Variants in ZNF91 observed in about 807,000 individuals in gnomAD.
ZNF91 encodes zinc finger protein 91, also known as zinc finger protein 91 (HPF7, HTF10).
ZNF91 carries 7 observed loss-of-function variants against 12.6 expected under a neutral mutation model. That is an observed-to-expected ratio of 0.55 (90% CI 0.31 to 1.04). The LOEUF (loss-of-function observed/expected upper bound fraction) is 1.04, where lower values mean the gene tolerates loss of function less well. Among genes scored for constraint, ZNF91 ranks in the 50% least tolerant of loss-of-function variants. The probability of loss-of-function intolerance (pLI) is 0.05; values close to 1 mark genes in which losing one functional copy is unlikely to be tolerated. For synonymous variants in ZNF91, 453 were observed against 462.6 expected, an observed-to-expected ratio of 0.98 and a Z score of 0.27; for missense variants, 1,217 against 1,385.4, an observed-to-expected ratio of 0.88 and a Z score of 1.93.
intron 1 of ZNF91, chr19:23,328,117 G>T (rs990724713): frequency 6.6e-6 from 1 of 151,732 alleles, no homozygotes; most frequent in Non-Finnish European, 1.5e-5. Flanking sequence ...GCTTGTGAAG[G>T]TTCTGTCTTT....
chr19:23,323,224 C>G (rs1224875464), intron 1 of ZNF91, among the ~76,000 whole-genome samples: 2 of 146,562 alleles, frequency 1.4e-5, no homozygotes, highest in African/African-American at 5.1e-5. Flanking sequence ...CTTTTCCTTT[C>G]TCTCCTTCTT....
downstream of ZNF91, among the ~76,000 whole-genome samples, chr19:23,334,282 C>A (rs1313033591): frequency 2.0e-5 from 3 of 151,998 alleles, no homozygotes; most frequent in African/African-American, 7.3e-5. Flanking sequence ...AGATACTGGC[C>A]TTAGGAAAAT....
At chr19:23,323,245 TTCTCCTCTCCTC>T (rs963721932) in intron 1 of ZNF91, among the ~76,000 whole-genome samples, 3 of 144,960 alleles carry the variant, frequency 2.1e-5, no homozygotes, top group Admixed American at 6.8e-5. Flanking sequence ...CTCCTCTCCT[TTCTCCTCTCCTC>T]CTGTTCCTTT....
chr19:23,334,147 A>G (rs1967967125), downstream of ZNF91, among the ~76,000 whole-genome samples: 1 of 152,198 alleles, frequency 6.6e-6, no homozygotes, highest in Admixed American at 6.5e-5. Flanking sequence ...TAGGCAAAAA[A>G]GTAGTTTAAG....
chr19:23,332,962 C>T (rs990908612), intron 1 of ZNF91, among the ~76,000 whole-genome samples: 3 of 152,108 alleles, frequency 2.0e-5, no homozygotes, highest in Non-Finnish European at 4.4e-5. Flanking sequence ...GTTCTCATTG[C>T]AAAGGATAAT....
At chr19:23,306,310 TTGTG>T (rs1183270122) in intron 3 of ZNF91, among the ~76,000 whole-genome samples, 2 of 152,226 alleles carry the variant, frequency 1.3e-5, no homozygotes, top group Non-Finnish European at 2.9e-5. Flanking sequence ...GCAGGTGTGA[TTGTG>T]ATATATGCAC....
intron 1 of ZNF91, among the ~76,000 whole-genome samples, chr19:23,382,450 C>A (rs1210145369): frequency 6.6e-6 from 1 of 152,204 alleles, no homozygotes; most frequent in African/African-American, 2.4e-5. Flanking sequence ...CAACATCCCA[C>A]AGGCACTAAT....
intron 1 of ZNF91, among the ~76,000 whole-genome samples, chr19:23,386,408 T>A (rs1969875837): frequency 6.6e-6 from 1 of 152,190 alleles, no homozygotes; most frequent in Admixed American, 6.5e-5. Context: ...GTTTTCAAAT[T>A]ATACTGCAAA....
At chr19:23,321,273 G>T (rs752747681) in intron 1 of ZNF91, among the ~76,000 whole-genome samples, 2 of 152,120 alleles carry the variant, frequency 1.3e-5, no homozygotes, top group Non-Finnish European at 2.9e-5. Context: ...CTCAAGCCTT[G>T]GTGCCTCTTA....
chr19:23,378,819 A>G (rs1301368454), intron 1 of ZNF91, among the ~76,000 whole-genome samples: 1 of 152,220 alleles, frequency 6.6e-6, no homozygotes, highest in African/African-American at 2.4e-5. Flanking sequence ...AAGTTCTTGC[A>G]TGGTAGGGAC....
At chr19:23,354,035 T>C (rs1281851309), downstream of ZNF91, among the ~76,000 whole-genome samples, 7 of 152,104 alleles carry the variant, frequency 4.6e-5, no homozygotes, top group East Asian at 1.4e-3. Context: ...TACTACCAAT[T>C]CTTTTGACAC....
intron 1 of ZNF91, among the ~76,000 whole-genome samples, chr19:23,320,133 C>G (rs548599685): frequency 6.6e-6 from 1 of 152,298 alleles, no homozygotes; most frequent in South Asian, 2.1e-4. Context: ...CACGTAGACA[C>G]AGTCTACAGA....
intron 3 of ZNF91, among the ~76,000 whole-genome samples, chr19:23,348,718 C>A (rs1968293445): frequency 6.6e-6 from 1 of 152,168 alleles, no homozygotes; most frequent in Non-Finnish European, 1.5e-5. Context: ...GGAAAGATAA[C>A]CATAAGGTCT....
chr19:23,351,852 C>A (rs1968375839), intron 3 of ZNF91, among the ~76,000 whole-genome samples: 1 of 152,144 alleles, frequency 6.6e-6, no homozygotes, highest in African/African-American at 2.4e-5. Context: ...GAACACACAC[C>A]CCCATACAGG....
chr19:23,338,275 C>T (rs12976183), downstream of ZNF91: 28,639 of 151,816 alleles, frequency 0.19, 2,916 homozygotes, highest in Non-Finnish European at 0.21. Context: ...AGAAAAGCAT[C>T]TAGTAATTTA....
chr19:23,374,708 A>G lies in ZNF91; in HGVS notation c.87T>C (p.Cys29=), dbSNP rs200354741. 6.2e-7 allele frequency: 1 copy of G among 1,613,352 alleles called. No individual in the cohort carries two copies. Among genetic ancestry groups the G allele is most frequent in the Non-Finnish European group, 8.5e-7 (1 of 1,179,644 alleles). The change falls in exon 2 of 4, where the codon TGT becomes TGC. Residue 29 remains cysteine (C), a synonymous_variant. Transcript: ENST00000300619. ...ATAAATTCTGCTGTGCAGTGTCCAG[A>G]CATTGCCACTCCTCCGGAGAGAATT... ...AIEFSPEEWQ[C]LDTAQQNLYR...
Position 23,359,699 on chromosome 19 carries a change from T to C in ZNF91, c.3280A>G (p.Thr1094Ala). The C allele has an allele frequency of 6.2e-7, 1 of 1,614,090 alleles. No homozygotes were observed. Residue 1094 changes from threonine to alanine, a missense_variant, in exon 4 of 4, where the codon ACT (threonine) becomes GCT (alanine). Physicochemically the swap from Thr to Ala is moderately conservative, Grantham distance 58 (BLOSUM62 0). Around this residue, in one of 2 missense-constraint regions of ZNF91, gnomAD observed 491 missense variants for 489.8 expected, o/e 1.00. Transcript: ENST00000300619. Reference protein sequence around the residue: ...GKAFSQSSTLTRHKRLHTGEK... With the variant: ...GKAFSQSSTLARHKRLHTGEK... ...CCGGTGTGCAACCTCTTATGTCTAG[T>C]TAGGGTTGAAGATTGGCTAAATGCT...
intron 3 of ZNF91, among the ~76,000 whole-genome samples, chr19:23,305,984 A>G (rs1387303825): frequency 6.6e-6 from 1 of 152,266 alleles, no homozygotes; most frequent in East Asian, 1.9e-4. Flanking sequence ...CTGCACCCTT[A>G]GAATATGCTA....
At chr19:23,392,973 G>T (rs1970114545) in intron 1 of ZNF91, among the ~76,000 whole-genome samples, 1 of 152,074 alleles carries the variant, frequency 6.6e-6, no homozygotes, top group Non-Finnish European at 1.5e-5. Flanking sequence ...TCTGAACTAT[G>T]CCCCAGTGAG....
Sources: gnomAD v4.1 joint callset for allele counts (sites outside exome capture counted in the v4.1 genomes callset) on GRCh38, gnomAD v4.1.1 for gene constraint, gnomAD v4.1.1 regional missense constraint, MANE v1.5 for transcripts, NCBI Gene and HGNC (gene_info 2026-07-23, HGNC 2026-07-21) for gene names.